ANK3: variants seen among roughly 807,000 people sequenced by gnomAD.
ANK3 encodes ankyrin-3.
ANK3 carries 57 observed loss-of-function variants against 370.9 expected under a neutral mutation model. The ratio of observed to expected loss-of-function variants is 0.15; its 90% CI spans 0.12 to 0.19. The LOEUF (loss-of-function observed/expected upper bound fraction) is 0.19. Ranked by LOEUF, ANK3 falls within the 10% of genes least tolerant of loss-of-function variation. The pLI is 1.00. For missense variants in ANK3, 4,439 were observed against 5,302.1 expected (o/e 0.84, Z 5.06); for synonymous variants, 1,929 against 1,946.3 (o/e 0.99, Z 0.23).
At chr10:60,251,304 T>C (rs2097661338) in intron 7 of ANK3, among the ~76,000 whole-genome samples, 2 of 152,250 alleles carry the variant, frequency 1.3e-5, no homozygotes, top group South Asian at 4.2e-4. Context: ...TGCTAGACAC[T>C]TTCTGAGGAG....
chr10:60,396,331 A>C (rs1212336226), intron 2 of ANK3, among the ~76,000 whole-genome samples: 1 of 152,184 alleles, frequency 6.6e-6, no homozygotes, highest in East Asian at 1.9e-4. Context: ...GAGCCAGCTG[A>C]ATCAGGTATT....
At chr10:60,418,157 C>T (rs916096940) in intron 2 of ANK3, among the ~76,000 whole-genome samples, 9 of 152,140 alleles carry the variant, frequency 5.9e-5, no homozygotes, top group Non-Finnish European at 1.3e-4. Context: ...ACCTCTAATG[C>T]CGGCCTCCTG....
chr10:60,170,735 C>G (rs2095763543), intron 21 of ANK3, among the ~76,000 whole-genome samples: 1 of 152,044 alleles, frequency 6.6e-6, no homozygotes, highest in Non-Finnish European at 1.5e-5. Context: ...CCTGATGGAG[C>G]TCTGAGACCC....
intron 1 of ANK3, chr10:60,300,453 C>G: frequency 7.8e-7 from 1 of 1,285,356 alleles, no homozygotes; most frequent in Non-Finnish European, 1.0e-6. Context: ...GTAAAGGTTT[C>G]CCCCACTTCC....
At chr10:60,198,201 T>C (rs1211631246) in intron 14 of ANK3, 139 bp downstream of exon 14, 2 of 828,670 alleles carry the variant, frequency 2.4e-6, no homozygotes, top group African/African-American at 3.4e-5. Context: ...CACAGAGCTT[T>C]GCTGGCCATA....
intron 1 of ANK3, among the ~76,000 whole-genome samples, chr10:60,660,042 G>A (rs921262478): frequency 1.3e-5 from 2 of 152,090 alleles, no homozygotes; most frequent in African/African-American, 4.8e-5. Context: ...AAGTAGGCAG[G>A]TAGGTATATA....
chr10:60,684,057 G>A (rs1424453291), intron 1 of ANK3, among the ~76,000 whole-genome samples: 1 of 152,158 alleles, frequency 6.6e-6, no homozygotes, highest in Non-Finnish European at 1.5e-5. Flanking sequence ...TGAACCAAAA[G>A]AATTATATAT....
chr10:60,556,307 T>C (rs1247791030), intron 2 of ANK3, among the ~76,000 whole-genome samples: 1 of 152,222 alleles, frequency 6.6e-6, no homozygotes, highest in South Asian at 2.1e-4. Context: ...TGTAAATTTT[T>C]TTTTTCTGGA....
At chr10:60,187,696 T>C (rs1225857796) in intron 16 of ANK3, among the ~76,000 whole-genome samples, 1 of 152,178 alleles carries the variant, frequency 6.6e-6, no homozygotes, top group Non-Finnish European at 1.5e-5. Context: ...AGTTGAAATT[T>C]TTAATGTTCA....
intron 1 of ANK3, among the ~76,000 whole-genome samples, chr10:60,308,158 T>C (rs984981199): frequency 1.3e-5 from 2 of 152,212 alleles, no homozygotes; most frequent in Non-Finnish European, 2.9e-5. Context: ...TTGACTGTAT[T>C]CAATATTTCC....
chr10:60,693,584 C>G (rs1184020853), intron 1 of ANK3, among the ~76,000 whole-genome samples: 3 of 152,214 alleles, frequency 2.0e-5, no homozygotes, highest in African/African-American at 7.2e-5. Flanking sequence ...TAAAGTGGGT[C>G]CCTGACCCCT....
Position 60,067,925 on chromosome 10 carries a change from A to ATG in ANK3, c.12319+8_12319+9dup. On this transcript the variant is annotated intron_variant, in intron 38 of 43. Transcript: ENST00000280772. ...ACTAATTTGTTCCATTCAGGAGTGTATGCACTTACCTGTCCAACTAAGTCC... is the reference window on the plus strand; with the variant it reads ...ACTAATTTGTTCCATTCAGGAGTGTATGTGCACTTACCTGTCCAACTAAGTCC... The ATG allele has an allele frequency of 6.2e-7, 1 of 1,601,064 alleles. No homozygotes were observed. The highest frequency in any genetic ancestry group is 8.5e-7 in the Non-Finnish European group (1 of 1,170,116).
In ANK3 at chr10:60,271,244, T is replaced by A. The variant is rs1013381103; in HGVS notation, c.415-1015A>T. Among the ~76,000 whole-genome samples, 14 of 152,100 alleles carry A rather than the reference T, an allele frequency of 9.2e-5. 1 individual carries two copies. Among genetic ancestry groups the A allele is most frequent in the Non-Finnish European group, 1.5e-5 (1 of 68,014 alleles). On this transcript the variant is annotated intron_variant, in intron 4 of 43. Coordinates refer to ENST00000280772, the MANE Select transcript of ANK3 (RefSeq NM_020987.5). ...CTCTGTATCAAAATAATAATAATAATAAACAAATGGAGTGCCGGGGTATCG... is the reference window on the plus strand; with the variant it reads ...CTCTGTATCAAAATAATAATAATAAAAAACAAATGGAGTGCCGGGGTATCG...
intron 1 of ANK3, among the ~76,000 whole-genome samples, chr10:60,617,590 C>A (rs756459040): frequency 1.3e-5 from 2 of 152,146 alleles, no homozygotes; most frequent in African/African-American, 4.8e-5. Flanking sequence ...CCTAGCACAG[C>A]ATAAGTGCTT....
chr10:60,680,399 G>A (rs550899451), intron 1 of ANK3, among the ~76,000 whole-genome samples: 1 of 152,298 alleles, frequency 6.6e-6, no homozygotes, highest in African/African-American at 2.4e-5. Flanking sequence ...GGGCAGTGGG[G>A]ACTGCAGAGG....
At chr10:60,531,577 A>T (rs1044513735) in intron 2 of ANK3, among the ~76,000 whole-genome samples, 31 of 152,020 alleles carry the variant, frequency 2.0e-4, no homozygotes, top group African/African-American at 7.2e-4. Context: ...TTAACTTTTA[A>T]TTTTAATATT....
intron 2 of ANK3, among the ~76,000 whole-genome samples, chr10:60,452,044 G>A (rs1028238809): frequency 6.6e-6 from 1 of 152,168 alleles, no homozygotes; most frequent in Admixed American, 6.5e-5. Flanking sequence ...CACCTTCTGG[G>A]GGGAATAAAA....
At chr10:60,296,389 C>T (rs1442468201) in intron 1 of ANK3, among the ~76,000 whole-genome samples, 1 of 152,188 alleles carries the variant, frequency 6.6e-6, no homozygotes, top group Admixed American at 6.5e-5. Flanking sequence ...TGCATAAACA[C>T]AACTACAGAT....
At chr10:60,089,750 G>T (rs964934334) in intron 28 of ANK3, among the ~76,000 whole-genome samples, 2 of 151,854 alleles carry the variant, frequency 1.3e-5, no homozygotes, top group African/African-American at 4.8e-5. Flanking sequence ...TAGACAAATA[G>T]GTTGGGGGAC....
Sources: allele counts gnomAD v4.1 joint callset (sites outside exome capture counted in the v4.1 genomes callset), GRCh38; gene constraint gnomAD v4.1.1; transcripts MANE v1.5; gene names NCBI Gene and HGNC (gene_info 2026-07-23, HGNC 2026-07-21).